KCNIP4: variants seen among roughly 807,000 people sequenced by gnomAD.
KCNIP4 encodes potassium voltage-gated channel interacting protein 4.
KCNIP4 carries 12 observed loss-of-function variants against 34.0 expected under a neutral mutation model. The observed-to-expected ratio is 0.35, with a 90% confidence interval of 0.23 to 0.57. The LOEUF (loss-of-function observed/expected upper bound fraction) is 0.57, where lower values mean the gene tolerates loss of function less well. Among genes scored for constraint, KCNIP4 ranks in the 20% least tolerant of loss-of-function variants. The probability of loss-of-function intolerance (pLI) is 0.83; values close to 1 mark genes in which losing one functional copy is unlikely to be tolerated. For synonymous variants in KCNIP4, 124 were observed against 102.2 expected (o/e 1.21, Z -1.29); for missense variants, 238 against 311.7 (o/e 0.76, Z 1.78).
intron 1 of KCNIP4, among the ~76,000 whole-genome samples, chr4:21,918,083 G>A (rs892269525): frequency 6.6e-6 from 1 of 152,176 alleles, no homozygotes; most frequent in Admixed American, 6.5e-5. Context: ...TGGTAAAATT[G>A]TGACATATTT....
chr4:21,201,385 AAATG>A (rs1478260886), intron 1 of KCNIP4, among the ~76,000 whole-genome samples: 1 of 152,236 alleles, frequency 6.6e-6, no homozygotes, highest in Non-Finnish European at 1.5e-5. Context: ...AAATATGATT[AAATG>A]TCAGAGAAGA....
intron 1 of KCNIP4, among the ~76,000 whole-genome samples, chr4:21,405,799 C>G (rs1453843443): frequency 6.6e-6 from 1 of 152,162 alleles, no homozygotes; most frequent in Non-Finnish European, 1.5e-5. Context: ...GGGTCTCAGT[C>G]CATCACAGCT....
At chr4:20,907,628 A>C (rs532135203) in intron 1 of KCNIP4, among the ~76,000 whole-genome samples, 2 of 152,336 alleles carry the variant, frequency 1.3e-5, no homozygotes, top group East Asian at 3.9e-4. Context: ...TTGAGAACTT[A>C]GGAGAGATTG....
chr4:21,396,070 A>C (rs1186946038), intron 1 of KCNIP4, among the ~76,000 whole-genome samples: 1 of 151,766 alleles, frequency 6.6e-6, no homozygotes, highest in African/African-American at 2.4e-5. Flanking sequence ...TATATAGTCT[A>C]TATATACATA....
chr4:21,784,471 G>A (rs1719773254), intron 1 of KCNIP4, among the ~76,000 whole-genome samples: 1 of 151,640 alleles, frequency 6.6e-6, no homozygotes, highest in South Asian at 2.1e-4. Flanking sequence ...AGAAAAACAA[G>A]GAGTTATAAA....
At chr4:21,681,686 G>T (rs1750368692) in intron 1 of KCNIP4, among the ~76,000 whole-genome samples, 1 of 152,062 alleles carries the variant, frequency 6.6e-6, no homozygotes, top group South Asian at 2.1e-4. Context: ...AAATACCTGA[G>T]ACTGGATAAA....
At chr4:21,253,705 A>G (rs1389119699) in intron 1 of KCNIP4, among the ~76,000 whole-genome samples, 1 of 152,248 alleles carries the variant, frequency 6.6e-6, no homozygotes, top group African/African-American at 2.4e-5. Context: ...CTAAATCATA[A>G]TCTCTGTGGC....
At chr4:21,545,524 C>G (rs1738070923) in intron 1 of KCNIP4, among the ~76,000 whole-genome samples, 1 of 152,126 alleles carries the variant, frequency 6.6e-6, no homozygotes, top group African/African-American at 2.4e-5. Flanking sequence ...TCCTAATGCT[C>G]TCCCTCCCCT....
At chr4:21,821,585 A>C (rs1392551790) in intron 1 of KCNIP4, among the ~76,000 whole-genome samples, 1 of 152,162 alleles carries the variant, frequency 6.6e-6, no homozygotes, top group Non-Finnish European at 1.5e-5. Flanking sequence ...GAGAATACAT[A>C]TTATGAAAAT....
intron 4 of KCNIP4, among the ~76,000 whole-genome samples, chr4:20,752,297 G>T (rs1753798325): frequency 6.6e-6 from 1 of 152,088 alleles, no homozygotes; most frequent in African/African-American, 2.4e-5. Flanking sequence ...GACAGCAGGT[G>T]ATCAGCCTGC....
intron 1 of KCNIP4, among the ~76,000 whole-genome samples, chr4:21,037,123 TGAAA>T (rs375745553): frequency 3.5e-3 from 535 of 152,352 alleles, no homozygotes; most frequent in Middle Eastern, 0.01. Context: ...GTGGTTATTA[TGAAA>T]GAGTCAAAAG....
At chr4:21,948,550 C>A (rs767480114) in intron 1 of KCNIP4, 21 bp downstream of exon 1, 19 of 1,609,766 alleles carry the variant, frequency 1.2e-5, no homozygotes, top group Non-Finnish European at 1.5e-5. Context: ...GGCGCCCGCT[C>A]GCAAGCTTAT....
rs1383769921 is a variant in KCNIP4, at chr4:21,240,227, G to T, written c.62-357518C>A. 6.3e-5 allele frequency among the ~76,000 whole-genome samples: 7 copies of T among 110,622 alleles called. No individual in the cohort carries two copies. In the South Asian group the frequency reaches 1.2e-3, roughly 19 times the overall value. The allele number at this position is 110,622 out of a possible 152,430, so 72.6% of individuals were successfully genotyped here. ...CATCACACACTGGGGACTGTTGTGG[G>T]GTGGGGGGAGGGGGGAGGGATAGCA... is the stretch of plus-strand genomic sequence containing the variant. On this transcript the variant is annotated intron_variant, in intron 1 of 8. Coordinates refer to ENST00000382152, the MANE Select transcript of KCNIP4 (RefSeq NM_025221.6).
rs1712471391 is a variant in KCNIP4 at position 21,697,523 on chromosome 4, G to A, written c.61+251048C>T. 4.8e-6 allele frequency: 7 copies of A among 1,467,112 alleles called. 1 individual carries two copies. Among genetic ancestry groups the A allele is most frequent in the Non-Finnish European group, 6.2e-6 (7 of 1,124,690 alleles). The allele number at this position is 1,467,112 out of a possible 1,614,324, so 90.9% of individuals were successfully genotyped here. A position where few individuals can be genotyped will look rare whatever the true frequency, so the allele number is the denominator to read the frequency against. On this transcript the variant is annotated intron_variant, in intron 1 of 8. Transcript: ENST00000382152. ...TAATAATAAAAAGAGAGTCTCTGAG[G>A]AGAAACTTCTGTCTCAGTTTATGCA...
At chr4:21,184,223 A>G (rs995074190) in intron 1 of KCNIP4, among the ~76,000 whole-genome samples, 1 of 152,152 alleles carries the variant, frequency 6.6e-6, no homozygotes, top group African/African-American at 2.4e-5. Flanking sequence ...GATTATTGTG[A>G]GAATTAAATG....
At chr4:21,395,981 C>T (rs1183540721) in intron 1 of KCNIP4, among the ~76,000 whole-genome samples, 1 of 151,976 alleles carries the variant, frequency 6.6e-6, no homozygotes, top group East Asian at 1.9e-4. Flanking sequence ...AAAGGGCTAA[C>T]ACATGTATAC....
intron 1 of KCNIP4, among the ~76,000 whole-genome samples, chr4:21,936,414 T>A (rs1007020105): frequency 6.6e-6 from 1 of 152,270 alleles, no homozygotes; most frequent in Non-Finnish European, 1.5e-5. Context: ...CCCAGCCATG[T>A]AGAACGTGAG....
chr4:21,936,076 G>T (rs572306102), intron 1 of KCNIP4, among the ~76,000 whole-genome samples: 1 of 151,128 alleles, frequency 6.6e-6, no homozygotes, highest in Non-Finnish European at 1.5e-5. Flanking sequence ...TTTCTTTTAC[G>T]AAGTATATAA....
intron 1 of KCNIP4, among the ~76,000 whole-genome samples, chr4:21,698,225 AT>A (rs1326245594): frequency 2.0e-5 from 3 of 152,116 alleles, no homozygotes; most frequent in Non-Finnish European, 4.4e-5. Context: ...AACTGGCTAC[AT>A]TTTCTGCACA....
Sources: allele counts gnomAD v4.1 joint callset (sites outside exome capture counted in the v4.1 genomes callset), GRCh38; gene constraint gnomAD v4.1.1; transcripts MANE v1.5; gene names NCBI Gene and HGNC (gene_info 2026-07-23, HGNC 2026-07-21).